Variants in EVI5 observed in about 807,000 individuals in gnomAD.
The protein encoded by EVI5 is ecotropic viral integration site 5.
Under a neutral mutation model 112.0 loss-of-function variants are expected in EVI5, and 73 were observed. The ratio of observed to expected loss-of-function variants is 0.65; its 90% CI spans 0.54 to 0.79. EVI5 has a LOEUF of 0.79. Among genes scored for constraint, EVI5 ranks in the 30% least tolerant of loss-of-function variants. The pLI, the probability that EVI5 is intolerant of heterozygous loss-of-function variation, is 0.00. For missense variants in EVI5, 900 were observed against 968.8 expected, an observed-to-expected ratio of 0.93 and a Z score of 0.94; for synonymous variants, 305 against 319.9, an observed-to-expected ratio of 0.95 and a Z score of 0.50.
Position 92,703,619 on chromosome 1 carries a change from C to A in EVI5, c.340G>T (p.Glu114Ter). 1 of 1,540,990 alleles carries A rather than the reference C, an allele frequency of 6.5e-7. No homozygotes were observed. The highest frequency in any genetic ancestry group is 8.8e-7 in the Non-Finnish European group (1 of 1,140,928). Residue 114 changes from glutamate (E) to a stop codon, truncating the protein, a stop_gained and splice_region_variant, in exon 4 of 20, where the codon GAA (glutamate) becomes TAA (stop). Transcript: ENST00000684568. LOFTEE classifies it high-confidence loss of function. The stretch of plus-strand genomic sequence containing the variant: ...TGGGGTATCCCTTTATGAACAAGTT[C>A]CTAAAAATAAAATAAAATTACAAAA... Reference protein sequence around the residue: ...VRKKKEKQVKELVHKGIPHHF... With the variant: ...VRKKKEKQVK
intron 14 of EVI5, among the ~76,000 whole-genome samples, chr1:92,630,289 G>C (rs1490488503): frequency 6.6e-6 from 1 of 152,308 alleles, no homozygotes; most frequent in East Asian, 1.9e-4. Flanking sequence ...CACCAACAGC[G>C]TAAAAGTGTT....
In EVI5 at chr1:92,780,280, T is replaced by C. The variant is rs775324028; in HGVS notation, c.-82+4556A>G. Among the ~76,000 whole-genome samples the C allele has an allele frequency of 7.9e-5, 12 of 152,344 alleles. 1 individual carries two copies. Among genetic ancestry groups the C allele is most frequent in the Admixed American group, 3.9e-4 (6 of 15,308 alleles). ...GCACTGTAAGTCAATTACACCTCTT[T>C]TCTTTATAAATTACCCCGTCTTGGG... is the stretch of plus-strand genomic sequence containing the variant. On this transcript the variant is annotated intron_variant, in intron 1 of 19. Transcript: ENST00000684568.
chr1:92,749,659 T>C (rs1431478109), intron 1 of EVI5, among the ~76,000 whole-genome samples: 3 of 152,134 alleles, frequency 2.0e-5, no homozygotes, highest in Admixed American at 2.0e-4. Flanking sequence ...TACTAACTAC[T>C]GAATATGAGT....
intron 13 of EVI5, among the ~76,000 whole-genome samples, chr1:92,644,035 T>C (rs1435845009): frequency 2.6e-5 from 4 of 152,124 alleles, no homozygotes; most frequent in African/African-American, 9.7e-5. Flanking sequence ...TTGTGGAGGG[T>C]AAAACCATTA....
At chr1:92,613,885 C>G (rs1165109863) in intron 16 of EVI5, among the ~76,000 whole-genome samples, 1 of 152,200 alleles carries the variant, frequency 6.6e-6, no homozygotes, top group African/African-American at 2.4e-5. Flanking sequence ...AGCCACTGTG[C>G]CTGTCTAAGA....
intron 19 of EVI5, among the ~76,000 whole-genome samples, chr1:92,562,990 T>A (rs1668864971): frequency 6.6e-6 from 1 of 152,168 alleles, no homozygotes; most frequent in African/African-American, 2.4e-5. Context: ...AATATTATCA[T>A]TAAAACAGAA....
At chr1:92,784,323 C>CGA in intron 1 of EVI5, 1 of 985,430 alleles carries the variant, frequency 1.0e-6, no homozygotes, top group Non-Finnish European at 1.2e-6. Context: ...GCTACAAACT[C>CGA]TTCTCAAGTT....
At chr1:92,736,151 T>C (rs919558083) in intron 2 of EVI5, among the ~76,000 whole-genome samples, 2 of 151,938 alleles carry the variant, frequency 1.3e-5, no homozygotes, top group Admixed American at 6.6e-5. Context: ...TTTTAAAAAA[T>C]TGATAAAATT....
Position 92,725,052 on chromosome 1 carries a change from A to G in EVI5, c.149+11346T>C, listed in dbSNP as rs138807606. Among the ~76,000 whole-genome samples the G allele has an allele frequency of 2.6e-5, 4 of 152,258 alleles. No homozygotes were observed. In the East Asian group the frequency reaches 5.8e-4, roughly 22 times the overall value. ...AGATAAACCATATTTCAGGTACTCA[A>G]TGGCAGTGAGACCAAGGTGTCTAGA... On this transcript the variant is annotated intron_variant, in intron 2 of 19. Coordinates refer to ENST00000684568, the MANE Select transcript of EVI5 (RefSeq NM_001350197.2).
At chr1:92,518,284 A>T (rs1488443877) in intron 19 of EVI5, among the ~76,000 whole-genome samples, 2 of 152,164 alleles carry the variant, frequency 1.3e-5, no homozygotes, top group Non-Finnish European at 2.9e-5. Flanking sequence ...AACAACAAAA[A>T]TTTTTTGTGA....
intron 19 of EVI5, among the ~76,000 whole-genome samples, chr1:92,528,433 T>G (rs550721249): frequency 6.6e-6 from 1 of 152,092 alleles, no homozygotes; most frequent in South Asian, 2.1e-4. Flanking sequence ...ACAATTATAG[T>G]AGTCACCCAG....
intron 2 of EVI5, among the ~76,000 whole-genome samples, chr1:92,724,357 C>A (rs942402590): frequency 6.6e-6 from 1 of 152,132 alleles, no homozygotes; most frequent in Non-Finnish European, 1.5e-5. Flanking sequence ...ATACTGGGGG[C>A]TGGTTCCTCC....
intron 1 of EVI5, among the ~76,000 whole-genome samples, chr1:92,752,977 GAATA>G (rs1266495629): frequency 3.3e-5 from 5 of 152,134 alleles, no homozygotes; most frequent in African/African-American, 1.2e-4. Context: ...GACAAATAGT[GAATA>G]AATAAATGCA....
intron 1 of EVI5, among the ~76,000 whole-genome samples, chr1:92,779,248 T>A (rs1684551637): frequency 6.6e-6 from 1 of 152,144 alleles, no homozygotes; most frequent in African/African-American, 2.4e-5. Context: ...CTAGGCCAGG[T>A]GCAGTGCCTC....
intron 9 of EVI5, among the ~76,000 whole-genome samples, chr1:92,688,437 GGGGA>G (rs1240001724): frequency 2.6e-5 from 4 of 152,142 alleles, no homozygotes; most frequent in Non-Finnish European, 5.9e-5. Flanking sequence ...TGCTCTCTCA[GGGGA>G]TACTCCCTCA....
intron 10 of EVI5, among the ~76,000 whole-genome samples, chr1:92,676,338 AC>A (rs1158263380): frequency 1.3e-5 from 2 of 151,674 alleles, no homozygotes; most frequent in African/African-American, 4.9e-5. Context: ...ACACATTCAA[AC>A]ACAAAGTTTA....
intron 16 of EVI5, among the ~76,000 whole-genome samples, chr1:92,618,803 T>C (rs1358127690): frequency 2.0e-5 from 3 of 152,166 alleles, no homozygotes; most frequent in Non-Finnish European, 4.4e-5. Flanking sequence ...ATTTCCTCCT[T>C]CTTTTGTTAA....
chr1:92,636,429 A>C, intron 13 of EVI5, 93 bp from the exon 14 acceptor site: 1 of 1,016,630 alleles, frequency 9.8e-7, no homozygotes, highest in African/African-American at 1.6e-5. Flanking sequence ...GTTATATTAC[A>C]TTAAGGGCAA....
At chr1:92,701,777 T>C (rs538943290) in intron 5 of EVI5, among the ~76,000 whole-genome samples, 33 of 151,346 alleles carry the variant, frequency 2.2e-4, no homozygotes, top group Non-Finnish European at 4.4e-4. Flanking sequence ...AAAGATGTTG[T>C]ACAATATAAA....
Sources: gnomAD v4.1 joint callset for allele counts (sites outside exome capture counted in the v4.1 genomes callset) on GRCh38, gnomAD v4.1.1 for gene constraint, MANE v1.5 for transcripts, NCBI Gene and HGNC (gene_info 2026-07-23, HGNC 2026-07-21) for gene names.